The following KLHL2 variants were observed in gnomAD, a reference collection of about 807,000 sequenced individuals.
KLHL2 encodes the protein kelch like family member 2, also known as kelch-like protein 2.
KLHL2 carries 15 observed loss-of-function variants against 75.8 expected under a neutral mutation model. The ratio of observed to expected loss-of-function variants is 0.20; its 90% confidence interval spans 0.13 to 0.30. The LOEUF is 0.30. KLHL2 is among the 10% of genes least tolerant of loss of function. The pLI, the probability that KLHL2 is intolerant of heterozygous loss-of-function variation, is 1.00. For missense variants in KLHL2, 381 were observed against 741.0 expected (o/e 0.51, Z 5.64); for synonymous variants, 214 against 251.9 (o/e 0.85, Z 1.42).
intron 1 of KLHL2, among the ~76,000 whole-genome samples, chr4:165,216,891 A>G (rs931225144): frequency 1.3e-5 from 2 of 152,168 alleles, no homozygotes; most frequent in Non-Finnish European, 2.9e-5. Flanking sequence ...TCTTCTTTGC[A>G]GGGTTTCTGT....
At chr4:165,224,066 C>T (rs942310825) in intron 2 of KLHL2, 11 of 257,252 alleles carry the variant, frequency 4.3e-5, no homozygotes, top group South Asian at 6.2e-5. Flanking sequence ...AGGTGCGTGC[C>T]GTCACACCCA....
chr4:165,258,713 T>A (rs533488340), intron 4 of KLHL2, among the ~76,000 whole-genome samples: 63 of 152,242 alleles, frequency 4.1e-4, no homozygotes, highest in Non-Finnish European at 8.2e-4. Context: ...GTTTCTCACA[T>A]TTGTTACCAA....
At chr4:165,216,116 T>C (rs1737522864) in intron 1 of KLHL2, among the ~76,000 whole-genome samples, 1 of 152,192 alleles carries the variant, frequency 6.6e-6, no homozygotes, top group East Asian at 1.9e-4. Context: ...CTTTGCCTGG[T>C]TTGGAAATCT....
chr4:165,279,569 A>G, intron 5 of KLHL2: 1 of 1,598,278 alleles, frequency 6.3e-7, no homozygotes, highest in Non-Finnish European at 8.6e-7. Flanking sequence ...ATTGAAAACC[A>G]AAAAGCGCGT....
chr4:165,316,116 G>A (rs1218615286), intron 13 of KLHL2, among the ~76,000 whole-genome samples: 1 of 152,170 alleles, frequency 6.6e-6, no homozygotes, highest in Non-Finnish European at 1.5e-5. Flanking sequence ...GGAATCTGGT[G>A]TTGTGAGTTA....
At chr4:165,267,196 C>T (rs1742308775) in intron 5 of KLHL2, among the ~76,000 whole-genome samples, 1 of 152,162 alleles carries the variant, frequency 6.6e-6, no homozygotes, top group Admixed American at 6.5e-5. Flanking sequence ...TGCTTATCAG[C>T]TTAAGGATAT....
At chr4:165,318,930 A>G (rs1746776034) in intron 14 of KLHL2, among the ~76,000 whole-genome samples, 1 of 152,232 alleles carries the variant, frequency 6.6e-6, no homozygotes. Context: ...ATTTACTACA[A>G]AATATCTACA....
chr4:165,288,549 C>T (rs1182789365), intron 5 of KLHL2, among the ~76,000 whole-genome samples: 2 of 152,140 alleles, frequency 1.3e-5, no homozygotes, highest in Non-Finnish European at 2.9e-5. Flanking sequence ...ACAGTATTTC[C>T]TAAAGCTTTT....
chr4:165,292,261 T>G (rs547552761), intron 5 of KLHL2, among the ~76,000 whole-genome samples: 1 of 152,212 alleles, frequency 6.6e-6, no homozygotes, highest in African/African-American at 2.4e-5. Context: ...AAAAAACTTT[T>G]GAGTTTCAAA....
intron 4 of KLHL2, among the ~76,000 whole-genome samples, chr4:165,256,036 C>G (rs1212319325): frequency 6.6e-6 from 1 of 151,934 alleles, no homozygotes; most frequent in Non-Finnish European, 1.5e-5. Context: ...AAGGAGTATA[C>G]TTGTCTAAGC....
rs1747090796 is a variant in KLHL2 at position 165,323,075 on chromosome 4, C to T, written c.*1015C>T. 1 of 152,540 alleles carries T rather than the reference C, an allele frequency of 6.6e-6. No individual in the cohort carries two copies. Among genetic ancestry groups the T allele is most frequent in the Non-Finnish European group, 1.5e-5 (1 of 67,998 alleles). The allele number at this position is 152,540 out of a possible 1,614,324, so 9.4% of individuals were successfully genotyped here. A position where few individuals can be genotyped will look rare whatever the true frequency, so the allele number is the denominator to read the frequency against. On this transcript the variant is annotated 3_prime_UTR_variant, in exon 15 of 15. Coordinates refer to ENST00000226725, the MANE Select transcript of KLHL2 (RefSeq NM_007246.4). ...TCAGATACAGTTTTTCTGAGATCTT[C>T]AATTAATCTCACTTTAAAAATGACC...
intron 2 of KLHL2, chr4:165,224,120 T>C (rs576548695): frequency 2.4e-4 from 48 of 197,180 alleles, no homozygotes; most frequent in Non-Finnish European, 4.8e-4. Context: ...TTTGCCATGT[T>C]GGCTAGGCTG....
At chr4:165,256,780 C>A (rs556717782) in intron 4 of KLHL2, among the ~76,000 whole-genome samples, 38 of 152,146 alleles carry the variant, frequency 2.5e-4, no homozygotes, top group Admixed American at 7.2e-4. Context: ...ATGTTCATAT[C>A]ACACCTAACC....
rs201467306 is a variant in KLHL2, at chr4:165,220,553, C to G, written c.152+494C>G. 3.3e-5 allele frequency among the ~76,000 whole-genome samples: 5 copies of G among 152,104 alleles called. No homozygotes were observed. In the East Asian group the frequency reaches 9.7e-4, roughly 29 times the overall value. On this transcript the variant is annotated intron_variant, in intron 2 of 14. Transcript: ENST00000226725. ...TGGTCAACACAGTGAGACTCTGTCC[C>G]TATTTTCTTTCTGTTAAAGTTAAAA... is the stretch of plus-strand genomic sequence containing the variant.
intron 4 of KLHL2, among the ~76,000 whole-genome samples, chr4:165,242,850 CTG>C (rs1266848894): frequency 6.6e-6 from 1 of 152,048 alleles, no homozygotes; most frequent in Non-Finnish European, 1.5e-5. Context: ...GTGTGTGAGT[CTG>C]TGTGTGTATG....
chr4:165,262,570 T>TTGC, intron 4 of KLHL2, among the ~76,000 whole-genome samples: 1 of 152,072 alleles, frequency 6.6e-6, no homozygotes, highest in Admixed American at 6.5e-5. Flanking sequence ...TTACGGGCTT[T>TTGC]TGTTGTTGTT....
intron 9 of KLHL2, 88 bp downstream of exon 9, chr4:165,305,813 T>A: frequency 1.1e-6 from 1 of 936,004 alleles, no homozygotes; most frequent in East Asian, 2.4e-5. Context: ...TAGAAAAATC[T>A]CTATCAAAAA....
At chr4:165,218,597 G>A (rs1737726353) in intron 1 of KLHL2, among the ~76,000 whole-genome samples, 1 of 151,944 alleles carries the variant, frequency 6.6e-6, no homozygotes, top group Non-Finnish European at 1.5e-5. Flanking sequence ...TTGCTTCCCT[G>A]ACTTGTGCTG....
At chr4:165,235,734 A>T (rs3932270) in intron 3 of KLHL2, among the ~76,000 whole-genome samples, 65,339 of 149,252 alleles carry the variant, frequency 0.44, 15,324 homozygotes, top group African/African-American at 0.6. Context: ...TAATCCAGCC[A>T]TGGGCCACTA....
Sources: gnomAD v4.1 joint callset for allele counts (sites outside exome capture counted in the v4.1 genomes callset) on GRCh38, gnomAD v4.1.1 for gene constraint, MANE v1.5 for transcripts, NCBI Gene and HGNC (gene_info 2026-07-23, HGNC 2026-07-21) for gene names.